DOCK8: variants seen among roughly 807,000 people sequenced by gnomAD.
DOCK8 encodes the protein dedicator of cytokinesis 8.
DOCK8 carries 141 observed loss-of-function variants against 245.6 expected under a neutral mutation model. That is an observed-to-expected ratio of 0.57 (90% CI 0.50 to 0.66). The LOEUF (loss-of-function observed/expected upper bound fraction) is 0.66. DOCK8 is among the 30% of genes least tolerant of loss of function. The probability of loss-of-function intolerance (pLI) is 0.00; values close to 1 mark genes in which losing one functional copy is unlikely to be tolerated. For missense variants in DOCK8, 2,965 were observed against 2,603.4 expected (o/e 1.14, Z -3.02); for synonymous variants, 1,168 against 970.2 (o/e 1.20, Z -3.79).
intron 1 of DOCK8, among the ~76,000 whole-genome samples, chr9:235,689 AG>A: frequency 6.6e-6 from 1 of 152,340 alleles, no homozygotes; most frequent in East Asian, 1.9e-4. Flanking sequence ...CCATGGGCAT[AG>A]GACCCTCTGA....
At chr9:339,604 T>C (rs773658635) in intron 13 of DOCK8, among the ~76,000 whole-genome samples, 19 of 152,202 alleles carry the variant, frequency 1.2e-4, no homozygotes, top group Non-Finnish European at 2.1e-4. Context: ...AACCTCTGCC[T>C]TCCAGGTTCA....
chr9:400,277 CCACTTCCTT>C (rs2054813607), intron 26 of DOCK8, among the ~76,000 whole-genome samples: 1 of 75,442 alleles, frequency 1.3e-5, no homozygotes, highest in African/African-American at 7.0e-5. Context: ...ACCATCACCA[CCACTTCCTT>C]CACCACCACC....
chr9:286,718 C>G, intron 3 of DOCK8, 82 bp downstream of exon 3: 1 of 1,315,070 alleles, frequency 7.6e-7, no homozygotes. Context: ...TGCCTTCAAT[C>G]TGAACTTAAA....
At position 396,896 on chromosome 9, in the gene DOCK8, A is replaced by G; in HGVS notation, c.3082A>G (p.Thr1028Ala). 6.2e-7 allele frequency: 1 copy of G among 1,614,078 alleles called. No homozygotes were observed. Among genetic ancestry groups the G allele is most frequent in the South Asian group, 1.1e-5 (1 of 91,086 alleles). ...CATAACTACTATTGTTAATGTGGTC[A>G]CCTCGGAAATTGCAGCCCTTTTAGT... is the stretch of plus-strand genomic sequence containing the variant. The part of the protein sequence containing the change: ...DDITTIVNVV[T>A]SEIAALLVKP... Residue 1028 changes from threonine (T) to alanine (A), a missense_variant, in exon 25 of 48, where the codon ACC becomes GCC. By Grantham distance (58) the Thr-to-Ala change is moderately conservative (BLOSUM62 0). Coordinates refer to ENST00000432829, the MANE Select transcript of DOCK8 (RefSeq NM_203447.4).
chr9:233,930 C>T (rs1473719533), intron 1 of DOCK8, among the ~76,000 whole-genome samples: 1 of 152,090 alleles, frequency 6.6e-6, no homozygotes, highest in Non-Finnish European at 1.5e-5. Context: ...TGAATTTGAT[C>T]CTGTCATTAT....
At chr9:319,380 A>T (rs2050486359) in intron 7 of DOCK8, among the ~76,000 whole-genome samples, 1 of 152,238 alleles carries the variant, frequency 6.6e-6, no homozygotes, top group Non-Finnish European at 1.5e-5. Context: ...GCAGAAATTA[A>T]GTCGAATTGA....
At position 325,810 on chromosome 9, in the gene DOCK8, A is replaced by AT. The variant is rs941639408; in HGVS notation, c.894+76dup. 1.0e-4 allele frequency: 127 copies of AT among 1,262,056 alleles called. 1 individual carries two copies. The highest frequency in any genetic ancestry group is 1.3e-4 in the Non-Finnish European group (114 of 897,740). 78.2% of individuals were successfully genotyped at this position (1,262,056 alleles called of 1,614,324 possible). A position where few individuals can be genotyped will look rare whatever the true frequency, so the allele number is the denominator to read the frequency against. Reference sequence around the variant, plus strand: ...TGATTCTTTGCATGTATGTTTTTAAATTTCTTTGCAGCAAGAACCTATCAG... The same window carrying AT: ...TGATTCTTTGCATGTATGTTTTTAAATTTTCTTTGCAGCAAGAACCTATCAG... On this transcript the variant is annotated intron_variant, in intron 8 of 47. Transcript: ENST00000432829.
At chr9:224,456 T>G (rs998156707) in intron 1 of DOCK8, among the ~76,000 whole-genome samples, 4 of 152,188 alleles carry the variant, frequency 2.6e-5, no homozygotes, top group Admixed American at 2.6e-4. Flanking sequence ...CTCAGAAGTC[T>G]TGAAGTGGAT....
intron 29 of DOCK8, among the ~76,000 whole-genome samples, chr9:417,022 T>C (rs1196973350): frequency 6.6e-6 from 1 of 152,186 alleles, no homozygotes; most frequent in Non-Finnish European, 1.5e-5. Context: ...TGGCTCGGTG[T>C]GGTGGCTCAC....
chr9:256,314 C>G (rs1337119041), intron 1 of DOCK8, among the ~76,000 whole-genome samples: 1 of 152,176 alleles, frequency 6.6e-6, no homozygotes, highest in South Asian at 2.1e-4. Context: ...AAGTGAGCAT[C>G]GATATGCCAA....
chr9:244,266 A>G (rs2047450505), intron 1 of DOCK8, among the ~76,000 whole-genome samples: 2 of 150,934 alleles, frequency 1.3e-5, no homozygotes, highest in South Asian at 2.1e-4. Context: ...ACAATCTAGT[A>G]TTCCCCCCAC....
chr9:362,512 A>C (rs2052777556), intron 14 of DOCK8, among the ~76,000 whole-genome samples: 1 of 152,160 alleles, frequency 6.6e-6, no homozygotes, highest in Admixed American at 6.5e-5. Context: ...CCTGTAGGTC[A>C]TCCCTGCAAC....
At chr9:357,173 A>G (rs1428836983) in intron 14 of DOCK8, among the ~76,000 whole-genome samples, 6 of 152,228 alleles carry the variant, frequency 3.9e-5, no homozygotes, top group African/African-American at 9.6e-5. Context: ...TGGTTTTCCA[A>G]TCTCTCACTC....
At chr9:352,860 A>T (rs77636430) in intron 14 of DOCK8, among the ~76,000 whole-genome samples, 2 of 152,246 alleles carry the variant, frequency 1.3e-5, no homozygotes, top group African/African-American at 4.8e-5. Context: ...TCACACTGGT[A>T]TGAGTGTAGG....
intron 1 of DOCK8, among the ~76,000 whole-genome samples, chr9:268,497 A>C (rs183372642): frequency 1.3e-4 from 20 of 152,312 alleles, no homozygotes; most frequent in African/African-American, 4.6e-4. Context: ...TCTTGCTTCA[A>C]AATGAAAGCA....
chr9:376,873 G>C (rs2053538826), intron 19 of DOCK8, 104 bp from the exon 20 acceptor site: 2 of 1,035,580 alleles, frequency 1.9e-6, no homozygotes, highest in Admixed American at 4.0e-5. Context: ...TGAAACGCTG[G>C]ATAAGAGGTT....
chr9:447,105 C>T (rs192918173), intron 44 of DOCK8, among the ~76,000 whole-genome samples: 133 of 152,164 alleles, frequency 8.7e-4, no homozygotes, highest in African/African-American at 2.8e-3. Flanking sequence ...TCCTAGCTTC[C>T]TCCTGTGATT....
chr9:299,144 C>A (rs77620214), intron 4 of DOCK8, among the ~76,000 whole-genome samples: 3,854 of 152,208 alleles, frequency 0.025, 83 homozygotes, highest in South Asian at 0.055. Context: ...TGTCCCCTGA[C>A]CCCCAGCCAG....
chr9:213,804 C>G (rs2046665022), upstream of DOCK8: 1 of 151,548 alleles, frequency 6.6e-6, no homozygotes, highest in Admixed American at 6.6e-5. Flanking sequence ...TCTCGGTTCA[C>G]TGCAAGCTCC....
Sources: allele counts gnomAD v4.1 joint callset (sites outside exome capture counted in the v4.1 genomes callset), GRCh38; gene constraint gnomAD v4.1.1; transcripts MANE v1.5; gene names NCBI Gene and HGNC (gene_info 2026-07-23, HGNC 2026-07-21).